Variants in MDGA2 observed in about 807,000 individuals in gnomAD.
The protein encoded by MDGA2 is MAM domain containing glycosylphosphatidylinositol anchor 2, also known as MAM domain-containing glycosylphosphatidylinositol anchor protein 2.
A neutral mutation model predicts 117.8 loss-of-function variants in MDGA2; 40 were observed. That is an observed-to-expected ratio of 0.34 (90% confidence interval 0.26 to 0.44). MDGA2 has a LOEUF of 0.44. Ranked by LOEUF, MDGA2 falls within the 20% of genes least tolerant of loss-of-function variation. The pLI, the probability that MDGA2 is intolerant of heterozygous loss-of-function variation, is 1.00. For missense variants in MDGA2, 1,123 were observed against 1,250.6 expected (o/e 0.90, Z 1.54); for synonymous variants, 452 against 439.0 (o/e 1.03, Z -0.37).
chr14:47,533,175 G>A (rs1895135590), intron 1 of MDGA2, among the ~76,000 whole-genome samples: 1 of 152,184 alleles, frequency 6.6e-6, no homozygotes, highest in South Asian at 2.1e-4. Context: ...ACTACACATA[G>A]CTTAGAATGG....
chr14:47,333,248 C>T (rs1778196215), intron 1 of MDGA2, among the ~76,000 whole-genome samples: 1 of 151,916 alleles, frequency 6.6e-6, no homozygotes, highest in Non-Finnish European at 1.5e-5. Context: ...TACTAATTTA[C>T]ATTTCCCACC....
At chr14:47,189,056 A>G (rs1885014772) in intron 3 of MDGA2, among the ~76,000 whole-genome samples, 1 of 152,122 alleles carries the variant, frequency 6.6e-6, no homozygotes, top group Admixed American at 6.6e-5. Flanking sequence ...TGTTGGTGAC[A>G]GCTCACTTAA....
chr14:47,287,170 A>G (rs2139760270), intron 2 of MDGA2, among the ~76,000 whole-genome samples: 1 of 152,172 alleles, frequency 6.6e-6, no homozygotes, highest in East Asian at 1.9e-4. Flanking sequence ...GTTTGACTCC[A>G]AAGCCTATAA....
At chr14:47,540,367 A>G (rs534443193) in intron 1 of MDGA2, among the ~76,000 whole-genome samples, 137 of 151,770 alleles carry the variant, frequency 9.0e-4, no homozygotes, top group Admixed American at 1.5e-3. Context: ...GACTTTTCCT[A>G]ACTATCCTAT....
At chr14:47,318,791 A>AG (rs940608811) in intron 1 of MDGA2, among the ~76,000 whole-genome samples, 2 of 148,548 alleles carry the variant, frequency 1.3e-5, no homozygotes, top group African/African-American at 2.5e-5. Flanking sequence ...AAAGGAGGGG[A>AG]GGGGGGAAAG....
chr14:47,352,692 C>T (rs926919299), intron 1 of MDGA2, among the ~76,000 whole-genome samples: 1 of 152,206 alleles, frequency 6.6e-6, no homozygotes, highest in Non-Finnish European at 1.5e-5. Context: ...ATAGTAATGA[C>T]TATTTTCAGT....
At chr14:47,073,836 T>C (rs1373219670) in intron 6 of MDGA2, among the ~76,000 whole-genome samples, 1 of 152,180 alleles carries the variant, frequency 6.6e-6, no homozygotes, top group African/African-American at 2.4e-5. Flanking sequence ...TCAATCACTC[T>C]AGACAATCCT....
Position 46,877,516 on chromosome 14 carries a change from G to T in MDGA2, c.2417-7C>A. ...AAATGAGGATTTACAGGAGCTACAAGAAAAGCAAAAGAAACAAACAAACAA... is the reference window on the plus strand; with the variant it reads ...AAATGAGGATTTACAGGAGCTACAATAAAAGCAAAAGAAACAAACAAACAA... On this transcript the variant is annotated splice_region_variant and splice_polypyrimidine_tract_variant and intron_variant, in intron 11 of 16. Coordinates refer to ENST00000399232, the MANE Select transcript of MDGA2 (RefSeq NM_001113498.3). 6.6e-7 allele frequency: 1 copy of T among 1,517,924 alleles called. No homozygotes were observed. Among genetic ancestry groups the T allele is most frequent in the Non-Finnish European group, 9.0e-7 (1 of 1,109,550 alleles). 94.0% of individuals were successfully genotyped at this position (1,517,924 alleles called of 1,614,324 possible). A position where few individuals can be genotyped will look rare whatever the true frequency, so the allele number is the denominator to read the frequency against.
intron 1 of MDGA2, among the ~76,000 whole-genome samples, chr14:47,663,398 T>C (rs1005962893): frequency 5.3e-5 from 8 of 152,214 alleles, no homozygotes; most frequent in African/African-American, 1.9e-4. Context: ...TATACTTGAC[T>C]AATATTGAGT....
chr14:47,090,653 C>A (rs1879599221), intron 6 of MDGA2, among the ~76,000 whole-genome samples: 3 of 152,116 alleles, frequency 2.0e-5, no homozygotes, highest in Non-Finnish European at 2.9e-5. Context: ...TGTGTCACTG[C>A]ACTGAAGAAT....
chr14:47,508,851 T>TA (rs144570770), intron 1 of MDGA2, among the ~76,000 whole-genome samples: 5,941 of 152,164 alleles, frequency 0.039, 396 homozygotes, highest in African/African-American at 0.14. Context: ...GGCTAATTTT[T>TA]AAATTTTTTT....
intron 1 of MDGA2, among the ~76,000 whole-genome samples, chr14:47,471,471 C>T (rs1309805872): frequency 6.6e-6 from 1 of 152,032 alleles, no homozygotes; most frequent in Non-Finnish European, 1.5e-5. Context: ...CTAAGAAATA[C>T]AATTTTAGGA....
chr14:47,252,459 G>A (rs1157551445), intron 2 of MDGA2, among the ~76,000 whole-genome samples: 1 of 152,088 alleles, frequency 6.6e-6, no homozygotes, highest in East Asian at 1.9e-4. Flanking sequence ...TTCTGTTCAT[G>A]TGAACTGGCT....
chr14:47,475,028 T>A (rs1016938758), intron 1 of MDGA2, among the ~76,000 whole-genome samples: 3 of 152,060 alleles, frequency 2.0e-5, no homozygotes, highest in Non-Finnish European at 4.4e-5. Context: ...AAAGAAACTA[T>A]CAACAGAGTA....
chr14:47,120,827 A>G lies in MDGA2; in HGVS notation c.925+10887T>C, dbSNP rs1163541144. Among the ~76,000 whole-genome samples, 7 of 152,278 alleles carry G rather than the reference A, an allele frequency of 4.6e-5. No homozygotes were observed. The South Asian group carries it at 1.4e-3, about 32-fold the overall frequency. On this transcript the variant is annotated intron_variant, in intron 5 of 16. Transcript: ENST00000399232. ...TGGATACACTATCCCTACAATATGA[A>G]CTACCACATAGAGTCATTTTTTTCT...
intron 8 of MDGA2, among the ~76,000 whole-genome samples, chr14:46,959,251 ATGTGTGTGTGTGTGTG>A (rs3985119): frequency 0.043 from 6,022 of 140,228 alleles, 388 homozygotes; most frequent in African/African-American, 0.13. Context: ...AATGCTATAT[ATGTGTGTGTGTGTGTG>A]TGTGTGTGTG....
At chr14:46,958,998 ATTCAT>A (rs1216283500) in intron 8 of MDGA2, among the ~76,000 whole-genome samples, 1 of 152,110 alleles carries the variant, frequency 6.6e-6, no homozygotes, top group African/African-American at 2.4e-5. Flanking sequence ...ATGGTTGTTT[ATTCAT>A]TTATTTTTTG....
At chr14:47,118,792 G>A (rs890275408) in intron 5 of MDGA2, among the ~76,000 whole-genome samples, 1 of 152,078 alleles carries the variant, frequency 6.6e-6, no homozygotes, top group Non-Finnish European at 1.5e-5. Context: ...GGAGTGCAGC[G>A]GCGTGATCAG....
At chr14:47,549,692 G>T (rs902886475) in intron 1 of MDGA2, among the ~76,000 whole-genome samples, 1 of 152,102 alleles carries the variant, frequency 6.6e-6, no homozygotes, top group Non-Finnish European at 1.5e-5. Context: ...GGTAATAAGG[G>T]TGAAGAGCCC....
Sources: allele counts gnomAD v4.1 joint callset (sites outside exome capture counted in the v4.1 genomes callset), GRCh38; gene constraint gnomAD v4.1.1; transcripts MANE v1.5; gene names NCBI Gene and HGNC (gene_info 2026-07-23, HGNC 2026-07-21).